The following VAT1L variants were observed in gnomAD, a reference collection of about 807,000 sequenced individuals.
The protein encoded by VAT1L is putative NADPH-dependent quinone oxidoreductase VAT1L.
A neutral mutation model predicts 44.1 loss-of-function variants in VAT1L; 34 were observed. The ratio of observed to expected loss-of-function variants is 0.77; its 90% CI spans 0.59 to 1.03. The LOEUF (loss-of-function observed/expected upper bound fraction) is 1.03, where lower values mean the gene tolerates loss of function less well. Among genes scored for constraint, VAT1L ranks in the 50% least tolerant of loss-of-function variants. The pLI is 0.00. For missense variants in VAT1L, 615 were observed against 538.8 expected (o/e 1.14, Z -1.40); for synonymous variants, 253 against 202.2 (o/e 1.25, Z -2.13).
intron 7 of VAT1L, among the ~76,000 whole-genome samples, chr16:77,901,250 G>A (rs1263317535): frequency 7.3e-6 from 1 of 137,902 alleles, no homozygotes; most frequent in African/African-American, 2.8e-5. Context: ...TGCAAGCTCC[G>A]CCTCCTGGGT....
chr16:77,813,981 G>T (rs1337402060), intron 1 of VAT1L, among the ~76,000 whole-genome samples: 1 of 152,114 alleles, frequency 6.6e-6, no homozygotes, highest in African/African-American at 2.4e-5. Flanking sequence ...ATTGCCTAAG[G>T]GGTCAGGTTC....
chr16:77,842,180 C>T (rs966720161), intron 3 of VAT1L, among the ~76,000 whole-genome samples: 4 of 152,168 alleles, frequency 2.6e-5, no homozygotes, highest in African/African-American at 7.2e-5. Flanking sequence ...AGCCACCGCG[C>T]CCAGTCTACC....
At chr16:77,863,173 A>T (rs1475098081) in intron 4 of VAT1L, among the ~76,000 whole-genome samples, 1 of 152,220 alleles carries the variant, frequency 6.6e-6, no homozygotes, top group Non-Finnish European at 1.5e-5. Context: ...TTTATTTCTC[A>T]TTCATTCACA....
chr16:77,927,493 G>C (rs2017683089), intron 7 of VAT1L, among the ~76,000 whole-genome samples: 1 of 152,098 alleles, frequency 6.6e-6, no homozygotes, highest in Admixed American at 6.6e-5. Flanking sequence ...GCACTCTTTA[G>C]CCACTAGCTT....
chr16:77,824,506 A>T (rs2016495008), intron 2 of VAT1L, among the ~76,000 whole-genome samples: 1 of 152,198 alleles, frequency 6.6e-6, no homozygotes, highest in African/African-American at 2.4e-5. Context: ...CTGTAATCCC[A>T]GCACTTTGGG....
At chr16:77,933,788 G>A (rs1040067833) in intron 7 of VAT1L, among the ~76,000 whole-genome samples, 1 of 152,152 alleles carries the variant, frequency 6.6e-6, no homozygotes, top group Admixed American at 6.5e-5. Context: ...AATACGACTG[G>A]AGCAAGGAAG....
chr16:77,798,548 G>A (rs2015981439), intron 1 of VAT1L, among the ~76,000 whole-genome samples: 3 of 152,172 alleles, frequency 2.0e-5, no homozygotes, highest in East Asian at 1.9e-4. Context: ...AAGTGTGTGT[G>A]CCATAGAAGA....
intron 1 of VAT1L, among the ~76,000 whole-genome samples, chr16:77,798,490 A>G (rs1813668744): frequency 6.6e-6 from 1 of 152,196 alleles, no homozygotes; most frequent in South Asian, 2.1e-4. Flanking sequence ...TAAAGTGCCT[A>G]GCAAGGATGT....
intron 3 of VAT1L, among the ~76,000 whole-genome samples, chr16:77,857,836 CTTT>C (rs5818094): frequency 7.0e-6 from 1 of 143,482 alleles, no homozygotes; most frequent in Non-Finnish European, 1.5e-5. Flanking sequence ...TTATCTCTCT[CTTT>C]TTTTTTTTTT....
At chr16:77,914,287 T>C (rs949525759) in intron 7 of VAT1L, among the ~76,000 whole-genome samples, 1 of 152,244 alleles carries the variant, frequency 6.6e-6, no homozygotes, top group Admixed American at 6.5e-5. Context: ...TTTTTAGTTA[T>C]ATTCTCATTT....
At chr16:77,897,442 C>A (rs946303274) in intron 7 of VAT1L, among the ~76,000 whole-genome samples, 6 of 152,122 alleles carry the variant, frequency 3.9e-5, no homozygotes, top group African/African-American at 1.4e-4. Context: ...TGGATGGGGG[C>A]AAATTCTTGG....
chr16:77,806,148 C>G (rs534873466), intron 1 of VAT1L, among the ~76,000 whole-genome samples: 1 of 151,930 alleles, frequency 6.6e-6, no homozygotes, highest in South Asian at 2.1e-4. Context: ...CAGGCCTGAG[C>G]CACAGCACCC....
chr16:77,847,716 T>C (rs2016771148), intron 3 of VAT1L, among the ~76,000 whole-genome samples: 1 of 152,170 alleles, frequency 6.6e-6, no homozygotes, highest in East Asian at 1.9e-4. Context: ...TAAAGTCGAG[T>C]GGCAAAACCA....
chr16:77,838,986 C>G (rs189601283), intron 3 of VAT1L, among the ~76,000 whole-genome samples: 1 of 152,194 alleles, frequency 6.6e-6, no homozygotes, highest in Admixed American at 6.5e-5. Flanking sequence ...CAGGTCTCAT[C>G]CCATATTCCT....
At chr16:77,789,373 C>T (rs1050450598) in intron 1 of VAT1L, among the ~76,000 whole-genome samples, 2 of 152,218 alleles carry the variant, frequency 1.3e-5, no homozygotes, top group African/African-American at 4.8e-5. Flanking sequence ...CAGGTGCCAT[C>T]ATGATCCGTT....
chr16:77,892,700 G>C (rs1378425170), intron 7 of VAT1L: 3 of 733,166 alleles, frequency 4.1e-6, no homozygotes, highest in Non-Finnish European at 7.6e-6. Flanking sequence ...AAAGCATATA[G>C]GTCCTGGCAT....
rs749794714 is a variant in VAT1L, at chr16:77,978,980, A to C, written c.*1285A>C. 2 of 152,216 alleles carry C rather than the reference A, an allele frequency of 1.3e-5. No individual in the cohort carries two copies. Among genetic ancestry groups the C allele is most frequent in the African/African-American group, 2.4e-5 (1 of 41,446 alleles). The allele number at this position is 152,216 out of a possible 1,614,324, so 9.4% of individuals were successfully genotyped here. On this transcript the variant is annotated 3_prime_UTR_variant, in exon 9 of 9. Transcript: ENST00000302536. ...AACTATCACTCACAAACAAATGTGGAGATACCAGGAGCTCATTTGATTCAT... is the reference window on the plus strand; with the variant it reads ...AACTATCACTCACAAACAAATGTGGCGATACCAGGAGCTCATTTGATTCAT...
chr16:77,862,608 G>A, intron 3 of VAT1L, 140 bp from the exon 4 acceptor site: 2 of 854,310 alleles, frequency 2.3e-6, no homozygotes, highest in South Asian at 2.0e-5. Context: ...GAGTGACAGA[G>A]TGAGACTCCA....
intron 2 of VAT1L, among the ~76,000 whole-genome samples, chr16:77,824,322 AG>A (rs1319706617): frequency 6.6e-6 from 1 of 152,138 alleles, no homozygotes; most frequent in Non-Finnish European, 1.5e-5. Context: ...TGGAGAGGAG[AG>A]GGTAGTGGCT....
Sources: allele counts gnomAD v4.1 joint callset (sites outside exome capture counted in the v4.1 genomes callset), GRCh38; gene constraint gnomAD v4.1.1; transcripts MANE v1.5; gene names NCBI Gene and HGNC (gene_info 2026-07-23, HGNC 2026-07-21).